The following PAX5 variants were observed in gnomAD, a reference collection of about 807,000 sequenced individuals.
PAX5 encodes the protein paired box protein Pax-5.
A neutral mutation model predicts 43.7 loss-of-function variants in PAX5; 9 were observed. That is an observed-to-expected ratio of 0.21 (90% CI 0.12 to 0.36). PAX5 has a LOEUF of 0.36. PAX5 is among the 10% of genes least tolerant of loss of function. The probability of loss-of-function intolerance (pLI) is 1.00; values close to 1 mark genes in which losing one functional copy is unlikely to be tolerated. For missense variants in PAX5, 383 were observed against 532.7 expected, an observed-to-expected ratio of 0.72 and a Z score of 2.77; for synonymous variants, 228 against 214.3, an observed-to-expected ratio of 1.06 and a Z score of -0.56.
chr9:36,894,243 C>A (rs375411180), intron 7 of PAX5, among the ~76,000 whole-genome samples: 18 of 152,246 alleles, frequency 1.2e-4, no homozygotes, highest in African/African-American at 4.3e-4. Flanking sequence ...GGCAGTATTC[C>A]CATCACATGT....
At chr9:36,988,589 C>T (rs1262627925) in intron 5 of PAX5, among the ~76,000 whole-genome samples, 5 of 146,840 alleles carry the variant, frequency 3.4e-5, no homozygotes, top group African/African-American at 7.6e-5. Flanking sequence ...CTTGAGCCCA[C>T]GAGGTCAAGG....
intron 5 of PAX5, among the ~76,000 whole-genome samples, chr9:36,973,862 C>A (rs962770066): frequency 6.6e-6 from 1 of 152,126 alleles, no homozygotes; most frequent in Non-Finnish European, 1.5e-5. Context: ...AAAAATTAGC[C>A]AGGTGTGGTG....
chr9:36,878,066 G>T (rs776321391), intron 8 of PAX5, among the ~76,000 whole-genome samples: 18 of 152,292 alleles, frequency 1.2e-4, no homozygotes, highest in South Asian at 2.1e-4. Flanking sequence ...GAAGGAAACA[G>T]ATCTTTCCCC....
intron 2 of PAX5, among the ~76,000 whole-genome samples, chr9:37,016,416 T>C (rs555557684): frequency 1.3e-5 from 2 of 152,340 alleles, no homozygotes; most frequent in African/African-American, 4.8e-5. Context: ...ACGGCAACTC[T>C]TCCAGGGACC....
chr9:36,948,916 C>A (rs1832773780), intron 6 of PAX5, among the ~76,000 whole-genome samples: 1 of 152,132 alleles, frequency 6.6e-6, no homozygotes, highest in Non-Finnish European at 1.5e-5. Flanking sequence ...TGTAGAACCT[C>A]TGATGTGGCA....
intron 7 of PAX5, among the ~76,000 whole-genome samples, chr9:36,892,928 C>T (rs775069809): frequency 1.3e-5 from 2 of 152,016 alleles, no homozygotes; most frequent in Admixed American, 1.3e-4. Flanking sequence ...AATCTGGAGG[C>T]GGATAGAGGA....
chr9:37,020,865 C>T, intron 1 of PAX5, 64 bp from the exon 2 acceptor site: 2 of 1,568,416 alleles, frequency 1.3e-6, no homozygotes, highest in Non-Finnish European at 1.7e-6. Flanking sequence ...ATAGGAGAAG[C>T]ACCGCTGTGA....
chr9:36,997,416 A>C (rs1239202401), intron 5 of PAX5, among the ~76,000 whole-genome samples: 1 of 152,140 alleles, frequency 6.6e-6, no homozygotes, highest in Non-Finnish European at 1.5e-5. Flanking sequence ...AGTTATTGTG[A>C]GGGGGACAGG....
At chr9:36,894,343 G>A (rs1563940455) in intron 7 of PAX5, among the ~76,000 whole-genome samples, 1 of 152,138 alleles carries the variant, frequency 6.6e-6, no homozygotes, top group Non-Finnish European at 1.5e-5. Context: ...CTCCCTTCCT[G>A]GGAGATAGAT....
intron 1 of PAX5, among the ~76,000 whole-genome samples, chr9:37,025,568 C>A (rs1024138699): frequency 3.9e-5 from 6 of 152,210 alleles, no homozygotes; most frequent in Middle Eastern, 3.2e-3. Context: ...GGCTCTGCAG[C>A]AAACAGAAAG....
At chr9:36,991,642 C>T (rs1836950537) in intron 5 of PAX5, among the ~76,000 whole-genome samples, 1 of 152,166 alleles carries the variant, frequency 6.6e-6, no homozygotes, top group South Asian at 2.1e-4. Flanking sequence ...CTGCCACCTC[C>T]GACCCAGTTA....
intron 6 of PAX5, among the ~76,000 whole-genome samples, chr9:36,934,164 C>T (rs1831360259): frequency 6.6e-6 from 1 of 152,202 alleles, no homozygotes; most frequent in Admixed American, 6.5e-5. Context: ...ACGGCCAAGT[C>T]TGTGCTGTGT....
intron 8 of PAX5, among the ~76,000 whole-genome samples, chr9:36,875,312 A>G (rs1314336448): frequency 6.6e-6 from 1 of 152,256 alleles, no homozygotes; most frequent in Non-Finnish European, 1.5e-5. Context: ...ACTAGGTGCT[A>G]GGCACTGTGC....
intron 7 of PAX5, among the ~76,000 whole-genome samples, chr9:36,884,329 A>G (rs1826734581): frequency 6.6e-6 from 1 of 152,210 alleles, no homozygotes; most frequent in Admixed American, 6.5e-5. Context: ...GTATGCAAGG[A>G]TGGTTCAATA....
rs541269807 is a variant in PAX5 at position 37,017,321 on chromosome 9, C to T, written c.213-2127G>A. Among the ~76,000 whole-genome samples the T allele has an allele frequency of 2.0e-5, 3 of 152,318 alleles. No individual in the cohort carries two copies. The East Asian group carries it at 5.8e-4, about 29-fold the overall frequency. ...AATGATTGGAAGACTAAGTGACTTG[C>T]CCAACTCCCTTCTGTAGTTAGGGAC... On this transcript the variant is annotated intron_variant, in intron 2 of 9. Transcript: ENST00000358127.
At chr9:36,919,740 C>T (rs1272175348) in intron 7 of PAX5, among the ~76,000 whole-genome samples, 1 of 145,728 alleles carries the variant, frequency 6.9e-6, no homozygotes, top group Non-Finnish European at 1.5e-5. Flanking sequence ...ACTCGGGAGG[C>T]TGAGGCAGAG....
intron 3 of PAX5, 41 bp downstream of exon 3, chr9:37,014,956 T>A (rs2132469648): frequency 6.3e-7 from 1 of 1,577,496 alleles, no homozygotes; most frequent in East Asian, 2.2e-5. Flanking sequence ...TGCCCTGCCA[T>A]CCCTCCAAAT....
At chr9:36,859,816 C>T (rs1319417580) in intron 8 of PAX5, among the ~76,000 whole-genome samples, 3 of 152,114 alleles carry the variant, frequency 2.0e-5, no homozygotes, top group South Asian at 2.1e-4. Flanking sequence ...AGGTGGATCA[C>T]GAGGTCAGGA....
In PAX5 at chr9:36,839,591, GTGACC is replaced by G; in HGVS notation, c.*964_*968del. ...GAAGTGTCCATGGCAGGTGTCCGAA[GTGACC>G]TGAACCTGGGCATGCCTCAGAAAAC... On this transcript the variant is annotated 3_prime_UTR_variant, in exon 10 of 10. Transcript: ENST00000358127. The G allele has an allele frequency of 4.3e-6, 1 of 233,416 alleles. No homozygotes were observed. The highest frequency in any genetic ancestry group is 8.5e-6 in the Non-Finnish European group (1 of 118,126). The allele number at this position is 233,416 out of a possible 1,614,324, so 14.5% of individuals were successfully genotyped here.
Sources: allele counts gnomAD v4.1 joint callset (sites outside exome capture counted in the v4.1 genomes callset), GRCh38; gene constraint gnomAD v4.1.1; transcripts MANE v1.5; gene names NCBI Gene and HGNC (gene_info 2026-07-23, HGNC 2026-07-21).